The following LOC400499 variants were observed in gnomAD, a reference collection of about 807,000 sequenced individuals.
the LOC400499 span, among the ~76,000 whole-genome samples, chr16:11,511,402 T>A: frequency 6.6e-6 from 1 of 152,134 alleles, no homozygotes; most frequent in Non-Finnish European, 1.5e-5. Context: ...TTGGCCCAAG[T>A]CACACAACAT....
chr16:11,410,100 C>T, the LOC400499 span, among the ~76,000 whole-genome samples: 4 of 152,120 alleles, frequency 2.6e-5, no homozygotes, highest in East Asian at 5.8e-4. Context: ...GCTATGATCA[C>T]GTCACCACAC....
At chr16:11,375,423 C>T in the LOC400499 span, among the ~76,000 whole-genome samples, 2 of 141,032 alleles carry the variant, frequency 1.4e-5, 1 homozygote, top group African/African-American at 5.7e-5. Context: ...AAGCAATTCT[C>T]CTGCCTCAGC....
At chr16:11,455,684 G>A in the LOC400499 span, among the ~76,000 whole-genome samples, 3 of 148,130 alleles carry the variant, frequency 2.0e-5, no homozygotes, top group East Asian at 2.0e-4. Flanking sequence ...GCAGTGAGCC[G>A]AGATCGTGCC....
the LOC400499 span, among the ~76,000 whole-genome samples, chr16:11,375,056 C>A: frequency 6.6e-6 from 1 of 151,978 alleles, no homozygotes; most frequent in Non-Finnish European, 1.5e-5. Flanking sequence ...CCATGTTGGC[C>A]AGGCTGGTCT....
At chr16:11,442,945 G>T in the LOC400499 span, among the ~76,000 whole-genome samples, 2 of 152,122 alleles carry the variant, frequency 1.3e-5, no homozygotes, top group Non-Finnish European at 2.9e-5. Context: ...TTTAACTAAT[G>T]GTGAAGGGAG....
chr16:11,493,846 G>T, the LOC400499 span: 1 of 86,938 alleles, frequency 1.2e-5, no homozygotes, highest in African/African-American at 8.4e-5. Flanking sequence ...GTGGGGGGCG[G>T]GGCAGTGGCG....
the LOC400499 span, among the ~76,000 whole-genome samples, chr16:11,389,803 G>A: frequency 3.9e-5 from 6 of 151,968 alleles, no homozygotes; most frequent in South Asian, 4.2e-4. Flanking sequence ...TACCAGCCCC[G>A]GTGTAGATGA....
the LOC400499 span, among the ~76,000 whole-genome samples, chr16:11,458,963 G>C: frequency 6.6e-6 from 1 of 151,666 alleles, no homozygotes; most frequent in Admixed American, 6.6e-5. Flanking sequence ...CATGAACCCA[G>C]GAGGCGGAGG....
the LOC400499 span, among the ~76,000 whole-genome samples, chr16:11,458,563 T>C: frequency 6.6e-6 from 1 of 150,506 alleles, no homozygotes; most frequent in Non-Finnish European, 1.5e-5. Flanking sequence ...GCTAGAGTAG[T>C]CAAAAATCCG....
chr16:11,490,309 T>C, the LOC400499 span, among the ~76,000 whole-genome samples: 1 of 151,076 alleles, frequency 6.6e-6, no homozygotes, highest in South Asian at 2.1e-4. Flanking sequence ...GTCAGGGGAA[T>C]TGCCTGAACC....
chr16:11,408,971 T>C, the LOC400499 span, among the ~76,000 whole-genome samples: 1 of 151,826 alleles, frequency 6.6e-6, no homozygotes, highest in Non-Finnish European at 1.5e-5. Flanking sequence ...TATAATAAAA[T>C]GTTGGGGGGC....
At chr16:11,479,178 G>C in the LOC400499 span, among the ~76,000 whole-genome samples, 3 of 152,192 alleles carry the variant, frequency 2.0e-5, no homozygotes, top group African/African-American at 7.2e-5. Context: ...ATCCAGATGA[G>C]GCGTGCAAAA....
the LOC400499 span, chr16:11,392,080 G>T: frequency 2.5e-6 from 1 of 399,334 alleles, no homozygotes. Flanking sequence ...TTGCACCTGG[G>T]AGCCAACTGC....
the LOC400499 span, chr16:11,424,017 G>A: frequency 2.8e-5 from 11 of 398,848 alleles, no homozygotes; most frequent in Middle Eastern, 6.2e-4. Context: ...GCCAGACTAC[G>A]TCCCACACTC....
chr16:11,512,098 G>A, the LOC400499 span, among the ~76,000 whole-genome samples: 1 of 151,846 alleles, frequency 6.6e-6, no homozygotes, highest in South Asian at 2.1e-4. Flanking sequence ...AGACCACCCT[G>A]ATGGTAAAAC....
chr16:11,447,498 C>T, the LOC400499 span, among the ~76,000 whole-genome samples: 9 of 152,300 alleles, frequency 5.9e-5, no homozygotes, highest in Admixed American at 2.6e-4. Context: ...ACTCTGCCAA[C>T]GATGCTGCTG....
At chr16:11,497,832 AATTT>A in the LOC400499 span, among the ~76,000 whole-genome samples, 673 of 68,892 alleles carry the variant, frequency 9.8e-3, 5 homozygotes, top group African/African-American at 0.031. Flanking sequence ...AAGGGAAATA[AATTT>A]AAAAAAAAAA....
chr16:11,426,212 G>C, the LOC400499 span, among the ~76,000 whole-genome samples: 3 of 152,208 alleles, frequency 2.0e-5, no homozygotes, highest in Non-Finnish European at 4.4e-5. Context: ...GAGACAGGCA[G>C]ATCACTTGAG....
the LOC400499 span, among the ~76,000 whole-genome samples, chr16:11,524,644 G>A: frequency 6.6e-6 from 1 of 152,304 alleles, no homozygotes; most frequent in African/African-American, 2.4e-5. Flanking sequence ...ACCAGGGCAT[G>A]AGCAGATGTG....
Sources: allele counts gnomAD v4.1 joint callset (sites outside exome capture counted in the v4.1 genomes callset), GRCh38; gene constraint gnomAD v4.1.1; transcripts MANE v1.5.